The following USP15 variants were observed in gnomAD, a reference collection of about 807,000 sequenced individuals.
USP15 encodes the protein ubiquitin carboxyl-terminal hydrolase 15.
A neutral mutation model predicts 127.1 loss-of-function variants in USP15; 18 were observed. The ratio of observed to expected loss-of-function variants is 0.14; its 90% CI spans 0.10 to 0.21. The LOEUF (loss-of-function observed/expected upper bound fraction) is 0.21, where lower values mean the gene tolerates loss of function less well. Among genes scored for constraint, USP15 ranks in the 10% least tolerant of loss-of-function variants. The pLI, the probability that USP15 is intolerant of heterozygous loss-of-function variation, is 1.00. For synonymous variants in USP15, 364 were observed against 393.7 expected (o/e 0.92, Z 0.89); for missense variants, 805 against 1,159.9 (o/e 0.69, Z 4.44).
intron 5 of USP15, among the ~76,000 whole-genome samples, chr12:62,322,283 A>G (rs1350790857): frequency 1.3e-5 from 2 of 151,994 alleles, no homozygotes; most frequent in African/African-American, 2.4e-5. Context: ...ATGTGCCACC[A>G]CACCCAGCTA....
intron 6 of USP15, chr12:62,335,961 G>A (rs913264344): frequency 3.0e-6 from 3 of 985,218 alleles, no homozygotes; most frequent in African/African-American, 1.7e-5. Flanking sequence ...CCTCTTTAGG[G>A]TTGCCACATT....
intron 3 of USP15, 112 bp from the exon 4 acceptor site, chr12:62,314,678 C>A: frequency 9.9e-7 from 1 of 1,014,066 alleles, no homozygotes; most frequent in East Asian, 3.0e-5. Context: ...TTAATAGTGA[C>A]TGGTTTTTCA....
intron 20 of USP15, among the ~76,000 whole-genome samples, chr12:62,397,486 T>C (rs2067528616): frequency 6.6e-6 from 1 of 152,232 alleles, no homozygotes; most frequent in South Asian, 2.1e-4. Context: ...TTTTTCAATT[T>C]ATTTAAGAAT....
chr12:62,312,491 G>A (rs1005091158), intron 3 of USP15, among the ~76,000 whole-genome samples: 2 of 151,654 alleles, frequency 1.3e-5, no homozygotes, highest in Non-Finnish European at 3.0e-5. Flanking sequence ...TTAGTAAAGA[G>A]ACTTTGCCTT....
intron 21 of USP15, among the ~76,000 whole-genome samples, chr12:62,403,983 A>G (rs2067781686): frequency 2.0e-5 from 3 of 152,086 alleles, no homozygotes; most frequent in Non-Finnish European, 4.4e-5. Flanking sequence ...AATAATTTAG[A>G]AGCACATAAA....
At chr12:62,392,742 ATTT>A (rs1242047148) in intron 18 of USP15, among the ~76,000 whole-genome samples, 2 of 151,946 alleles carry the variant, frequency 1.3e-5, no homozygotes, top group African/African-American at 2.4e-5. Context: ...CAGATTTGAG[ATTT>A]TCTAATACCT....
chr12:62,262,279 T>C (rs560737524), intron 1 of USP15, among the ~76,000 whole-genome samples: 1 of 152,234 alleles, frequency 6.6e-6, no homozygotes, highest in East Asian at 1.9e-4. Context: ...TAATGTTAGA[T>C]GTTTATTACT....
At chr12:62,403,515 A>G (rs773183864) in intron 21 of USP15, among the ~76,000 whole-genome samples, 1 of 152,080 alleles carries the variant, frequency 6.6e-6, no homozygotes, top group Non-Finnish European at 1.5e-5. Flanking sequence ...GCTGAAAGCC[A>G]TTTTGCTAGA....
intron 7 of USP15, among the ~76,000 whole-genome samples, chr12:62,352,355 C>T (rs1327055879): frequency 6.6e-6 from 1 of 151,652 alleles, no homozygotes; most frequent in Non-Finnish European, 1.5e-5. Context: ...CTATTAGTCC[C>T]TTGTGTATTT....
At chr12:62,362,233 T>G (rs553070500) in intron 8 of USP15, among the ~76,000 whole-genome samples, 3 of 152,228 alleles carry the variant, frequency 2.0e-5, no homozygotes, top group Non-Finnish European at 2.9e-5. Context: ...TTATGTTTTG[T>G]TTTTTGTGGT....
intron 7 of USP15, 133 bp downstream of exon 7, chr12:62,349,440 G>T: frequency 2.1e-6 from 1 of 466,830 alleles, no homozygotes; most frequent in Middle Eastern, 3.1e-4. Flanking sequence ...TTACCGGTCA[G>T]TTCTTCCATG....
chr12:62,338,475 G>A (rs1225337119), intron 6 of USP15, among the ~76,000 whole-genome samples: 2 of 152,028 alleles, frequency 1.3e-5, no homozygotes, highest in Non-Finnish European at 2.9e-5. Flanking sequence ...AAGCTCTTTA[G>A]TTTGATTAGA....
chr12:62,322,310 T>C (rs973822766), intron 5 of USP15, among the ~76,000 whole-genome samples: 2 of 152,108 alleles, frequency 1.3e-5, no homozygotes, highest in Non-Finnish European at 2.9e-5. Context: ...GTGTTTATAG[T>C]AGAGATGGGG....
rs1256836437 is a variant in USP15 at position 62,411,097 on chromosome 12, C to T, written c.*6722C>T. The T allele has an allele frequency of 6.6e-6, 1 of 152,106 alleles. No homozygotes were observed. The highest frequency in any genetic ancestry group is 1.5e-5 in the Non-Finnish European group (1 of 68,024). 9.4% of individuals were successfully genotyped at this position (152,106 alleles called of 1,614,324 possible). A position where few individuals can be genotyped will look rare whatever the true frequency, so the allele number is the denominator to read the frequency against. On this transcript the variant is annotated 3_prime_UTR_variant, in exon 22 of 22. Coordinates refer to ENST00000280377, the MANE Select transcript of USP15 (RefSeq NM_001252078.2). ...AGATAACAGATGTTTGTGTTTTTAGCTGCTAAGCTTTAATTTGTTTATGCA... is the reference window on the plus strand; with the variant it reads ...AGATAACAGATGTTTGTGTTTTTAGTTGCTAAGCTTTAATTTGTTTATGCA...
chr12:62,262,578 G>A (rs965188294), intron 1 of USP15, among the ~76,000 whole-genome samples: 16 of 152,064 alleles, frequency 1.1e-4, no homozygotes, highest in Admixed American at 2.0e-4. Context: ...CATTGTGGGC[G>A]TTTAACTTTA....
intron 1 of USP15, among the ~76,000 whole-genome samples, chr12:62,281,874 T>G (rs1325318575): frequency 1.3e-5 from 2 of 152,138 alleles, no homozygotes; most frequent in Non-Finnish European, 2.9e-5. Flanking sequence ...GACATAGAAA[T>G]GTATGACATT....
At chr12:62,310,630 T>C (rs989269737) in intron 3 of USP15, among the ~76,000 whole-genome samples, 1 of 151,534 alleles carries the variant, frequency 6.6e-6, no homozygotes. Flanking sequence ...CATTCATCCA[T>C]TGATGAGCAC....
At chr12:62,367,588 C>T (rs893529793) in intron 8 of USP15, among the ~76,000 whole-genome samples, 3 of 151,772 alleles carry the variant, frequency 2.0e-5, no homozygotes, top group Non-Finnish European at 2.9e-5. Flanking sequence ...CCATTTCTTC[C>T]AGATTTTCTA....
chr12:62,401,421 A>C, intron 21 of USP15, 146 bp downstream of exon 21: 1 of 521,456 alleles, frequency 1.9e-6, no homozygotes, highest in Non-Finnish European at 3.2e-6. Context: ...ATTTAAAGAA[A>C]TGTCAAATTG....
Sources: allele counts gnomAD v4.1 joint callset (sites outside exome capture counted in the v4.1 genomes callset), GRCh38; gene constraint gnomAD v4.1.1; transcripts MANE v1.5; gene names NCBI Gene and HGNC (gene_info 2026-07-23, HGNC 2026-07-21).